Variants in TXLNB observed in about 807,000 individuals in gnomAD.
The protein encoded by TXLNB is beta-taxilin.
A neutral mutation model predicts 57.4 loss-of-function variants in TXLNB; 37 were observed. The ratio of observed to expected loss-of-function variants is 0.64; its 90% CI spans 0.50 to 0.85. The LOEUF (loss-of-function observed/expected upper bound fraction) is 0.85. TXLNB is among the 40% of genes least tolerant of loss of function. The pLI, the probability that TXLNB is intolerant of heterozygous loss-of-function variation, is 0.00. For synonymous variants in TXLNB, 302 were observed against 309.6 expected, an observed-to-expected ratio of 0.98 and a Z score of 0.26; for missense variants, 848 against 825.6, an observed-to-expected ratio of 1.03 and a Z score of -0.33.
chr6:139,261,138 G>A (rs929398728), intron 5 of TXLNB, among the ~76,000 whole-genome samples: 2 of 152,146 alleles, frequency 1.3e-5, no homozygotes, highest in Non-Finnish European at 2.9e-5. Flanking sequence ...TCACTGGGAG[G>A]TCCAATCAGA....
chr6:139,174,616 C>A, the TXLNB span: 1 of 1,541,510 alleles, frequency 6.5e-7, no homozygotes, highest in Non-Finnish European at 8.8e-7. Context: ...GAAGATGCGT[C>A]TGGCAATAAA....
chr6:139,174,546 A>G, the TXLNB span: 2 of 1,613,386 alleles, frequency 1.2e-6, no homozygotes, highest in Non-Finnish European at 1.7e-6. Flanking sequence ...TCAGGTAGGT[A>G]CTGAACACAC....
At chr6:139,259,192 G>A (rs1317580863) in intron 6 of TXLNB, among the ~76,000 whole-genome samples, 1 of 152,016 alleles carries the variant, frequency 6.6e-6, no homozygotes, top group African/African-American at 2.4e-5. Context: ...TTGCTCTCTT[G>A]TCCCTCTGCA....
intron 6 of TXLNB, among the ~76,000 whole-genome samples, chr6:139,259,556 C>A (rs1041245913): frequency 6.6e-6 from 1 of 152,186 alleles, no homozygotes; most frequent in Non-Finnish European, 1.5e-5. Flanking sequence ...AGGAGGCCTT[C>A]CTGGTCACTC....
the TXLNB span, among the ~76,000 whole-genome samples, chr6:139,196,364 G>GTTTT: frequency 4.6e-5 from 4 of 86,742 alleles, no homozygotes; most frequent in Admixed American, 1.3e-4. Flanking sequence ...CTCCAGATCT[G>GTTTT]GTTTTTTTTT....
chr6:139,266,585 T>TCGAAGACC (rs1776620884), intron 4 of TXLNB, among the ~76,000 whole-genome samples: 1 of 152,136 alleles, frequency 6.6e-6, no homozygotes, highest in African/African-American at 2.4e-5. Context: ...ATGTGAAGAC[T>TCGAAGACC]GACTCGAAGA....
the TXLNB span, among the ~76,000 whole-genome samples, chr6:139,229,357 T>C: frequency 3.3e-5 from 5 of 152,174 alleles, no homozygotes; most frequent in Non-Finnish European, 7.3e-5. Flanking sequence ...AGTTTCTCTC[T>C]TGTTGCCCAG....
chr6:139,292,657 G>A (rs541819155), upstream of TXLNB, among the ~76,000 whole-genome samples: 69 of 152,210 alleles, frequency 4.5e-4, no homozygotes, highest in Non-Finnish European at 9.0e-4. This position sits in a 1 kb window ranked among gnomAD's most constrained non-coding sequence, Gnocchi z 4.0. Context: ...GTCTTTCCCA[G>A]GTAACTCTTC....
chr6:139,177,228 A>G, the TXLNB span: 9 of 608,736 alleles, frequency 1.5e-5, no homozygotes, highest in Admixed American at 1.4e-4. This position sits in a 1 kb window ranked among gnomAD's most constrained non-coding sequence, Gnocchi z 4.9. Flanking sequence ...ACTTTGTTGT[A>G]TGTGTGCCAC....
At chr6:139,317,637 C>T in the TXLNB span, among the ~76,000 whole-genome samples, 12 of 151,780 alleles carry the variant, frequency 7.9e-5, 1 homozygote, top group South Asian at 4.2e-4. Context: ...CTGACCTTCC[C>T]GCCTCGGCCT....
At chr6:139,208,345 CT>C in the TXLNB span, among the ~76,000 whole-genome samples, 1 of 152,168 alleles carries the variant, frequency 6.6e-6, no homozygotes, top group Non-Finnish European at 1.5e-5. Context: ...GATGGATTCA[CT>C]GCTGAATTCT....
the TXLNB span, among the ~76,000 whole-genome samples, chr6:139,315,502 C>T: frequency 6.6e-6 from 1 of 152,162 alleles, no homozygotes; most frequent in Non-Finnish European, 1.5e-5. Context: ...TCTCTGCATT[C>T]TTTGAATGAA....
Position 139,290,669 on chromosome 6 carries a change from A to C in TXLNB, c.-15+1252T>G, listed in dbSNP as rs143173148. Reference sequence around the variant, plus strand: ...AGAGATTCCAGGGTTTCTGACTATTACCACTTCTAGAGTTGCAATAGATTT... The same window carrying C: ...AGAGATTCCAGGGTTTCTGACTATTCCCACTTCTAGAGTTGCAATAGATTT... On this transcript the variant is annotated intron_variant, in intron 1 of 9. Coordinates refer to ENST00000358430, the MANE Select transcript of TXLNB (RefSeq NM_153235.4). Among the ~76,000 whole-genome samples the C allele has an allele frequency of 5.3e-5, 8 of 152,296 alleles. No homozygotes were observed. The East Asian group carries it at 1.5e-3, about 29-fold the overall frequency.
chr6:139,317,009 C>T, the TXLNB span, among the ~76,000 whole-genome samples: 9 of 151,964 alleles, frequency 5.9e-5, no homozygotes, highest in Admixed American at 2.0e-4. Flanking sequence ...TTTTTTCCCT[C>T]GGGGAATCTG....
intron 4 of TXLNB, among the ~76,000 whole-genome samples, chr6:139,263,496 CTTT>C (rs1776538252): frequency 6.6e-6 from 1 of 152,170 alleles, no homozygotes; most frequent in Non-Finnish European, 1.5e-5. Flanking sequence ...TTCAAATCTT[CTTT>C]AACTCTAAAG....
chr6:139,243,193 A>G lies in TXLNB; in HGVS notation c.1388T>C (p.Ile463Thr). Residue 463 changes from isoleucine to threonine, a missense_variant, in exon 10 of 10, where the codon ATA (isoleucine) becomes ACA (threonine). Ile to Thr is a moderately conservative substitution (Grantham distance 89). Transcript: ENST00000358430. ...CTGACTTTGGTCATCCTTTTCAGAT[A>G]TTTCTGCGTCTCTGATTTTTTTGTG... is the stretch of plus-strand genomic sequence containing the variant. ...ELHKKIRDAE[I>T]SEKDDQSQHN... The G allele has an allele frequency of 6.2e-7, 1 of 1,613,984 alleles. No individual in the cohort carries two copies. Among genetic ancestry groups the G allele is most frequent in the Middle Eastern group, 1.7e-4 (1 of 6,060 alleles).
rs141137735 is a variant in TXLNB, at chr6:139,247,170, T to G, written c.1170+647A>C. 1.5e-3 allele frequency among the ~76,000 whole-genome samples: 229 copies of G among 152,300 alleles called. 3 individuals carry two copies. The East Asian group carries it at 0.027, about 18-fold the overall frequency. ...TTTGTGTTTTTGTTTTGAGACAGAT[T>G]CTCGCTCTGTTGCCCAGGCTAGAGT... is the stretch of plus-strand genomic sequence containing the variant. On this transcript the variant is annotated intron_variant, in intron 8 of 9. Transcript: ENST00000358430.
At chr6:139,166,645 AGG>A in the TXLNB span, 1 of 1,614,196 alleles carries the variant, frequency 6.2e-7, no homozygotes, top group Non-Finnish European at 8.5e-7. Context: ...AGAAGAACAC[AGG>A]GAGGCCTCCT....
At chr6:139,296,544 G>T (rs1313861358), upstream of TXLNB, among the ~76,000 whole-genome samples, 1 of 151,818 alleles carries the variant, frequency 6.6e-6, no homozygotes, top group Non-Finnish European at 1.5e-5. Context: ...ATGCTTACTT[G>T]GTTTTAATGT....
Sources: allele counts gnomAD v4.1 joint callset (sites outside exome capture counted in the v4.1 genomes callset), GRCh38; gene constraint gnomAD v4.1.1; non-coding constraint Gnocchi (gnomAD v3.1); transcripts MANE v1.5; gene names NCBI Gene and HGNC (gene_info 2026-07-23, HGNC 2026-07-21).